The following TSHZ2 variants were observed in gnomAD, a reference collection of about 807,000 sequenced individuals.
TSHZ2 encodes teashirt homolog 2.
Under a neutral mutation model 74.4 loss-of-function variants are expected in TSHZ2, and 21 were observed. The observed-to-expected ratio is 0.28, with a 90% CI of 0.20 to 0.41. TSHZ2 has a LOEUF of 0.41. TSHZ2 is among the 10% of genes least tolerant of loss of function. TSHZ2 has a pLI of 1.00. For synonymous variants in TSHZ2, 540 were observed against 515.3 expected (o/e 1.05, Z -0.65); for missense variants, 1,244 against 1,293.5 (o/e 0.96, Z 0.59).
At chr20:53,380,240 G>T (rs1013102240) in intron 2 of TSHZ2, among the ~76,000 whole-genome samples, 5 of 151,632 alleles carry the variant, frequency 3.3e-5, no homozygotes, top group African/African-American at 9.7e-5. Context: ...CAAAAATATG[G>T]GACTCCTACC....
chr20:53,110,204 C>T (rs925356298), intron 1 of TSHZ2, among the ~76,000 whole-genome samples: 1 of 152,140 alleles, frequency 6.6e-6, no homozygotes, highest in African/African-American at 2.4e-5. Context: ...TGCCCCGCCC[C>T]TCTAGGCAGC....
In TSHZ2 at chr20:53,410,184, G is replaced by A. The variant is rs145497815; in HGVS notation, c.*9-76960G>A. The stretch of plus-strand genomic sequence containing the variant: ...TTTAATGTTCACTCTGAGAATCAGA[G>A]GGCGCATCCCAGGATGAAGGTGACT... On this transcript the variant is annotated intron_variant, in intron 2 of 2. Transcript: ENST00000371497. Among the ~76,000 whole-genome samples, 118 of 152,216 alleles carry A rather than the reference G, an allele frequency of 7.8e-4. 1 individual carries two copies. Among genetic ancestry groups the A allele is most frequent in the African/African-American group, 2.5e-3 (102 of 41,530 alleles).
chr20:53,078,793 G>A (rs866110397), intron 1 of TSHZ2, among the ~76,000 whole-genome samples: 11 of 152,244 alleles, frequency 7.2e-5, no homozygotes, highest in Admixed American at 1.3e-4. Flanking sequence ...AAATTTAGAG[G>A]TACGCTGGGA....
chr20:53,435,945 T>G (rs919106678), intron 2 of TSHZ2, among the ~76,000 whole-genome samples: 8 of 152,232 alleles, frequency 5.3e-5, no homozygotes, highest in Admixed American at 3.9e-4. Context: ...ATGGGCATGA[T>G]AATACCCCAA....
At chr20:53,107,109 C>G (rs1285473318) in intron 1 of TSHZ2, among the ~76,000 whole-genome samples, 2 of 152,122 alleles carry the variant, frequency 1.3e-5, no homozygotes, top group Admixed American at 1.3e-4. Flanking sequence ...CAGAACAGGC[C>G]CTAGAATATG....
At position 53,492,451 on chromosome 20, in the gene TSHZ2, T is replaced by C. The variant is rs534567810; in HGVS notation, c.*5316T>C. On this transcript the variant is annotated 3_prime_UTR_variant, in exon 3 of 3. Transcript: ENST00000371497. Reference sequence around the variant, plus strand: ...ACACCTCAGACACTAGAATGTGTAATGCGAGTCAAAAAAGCTGACATACAA... The same window carrying C: ...ACACCTCAGACACTAGAATGTGTAACGCGAGTCAAAAAAGCTGACATACAA... 9.2e-5 allele frequency: 14 copies of C among 152,338 alleles called. No homozygotes were observed. Among genetic ancestry groups the C allele is most frequent in the African/African-American group, 3.1e-4 (13 of 41,588 alleles). The allele number at this position is 152,338 out of a possible 1,614,324, so 9.4% of individuals were successfully genotyped here. A position where few individuals can be genotyped will look rare whatever the true frequency, so the allele number is the denominator to read the frequency against.
intron 2 of TSHZ2, among the ~76,000 whole-genome samples, chr20:53,485,604 G>A: frequency 6.6e-6 from 1 of 152,054 alleles, no homozygotes; most frequent in African/African-American, 2.4e-5. Flanking sequence ...AGCTACTCGG[G>A]AGGCTGAAGC....
chr20:53,231,034 T>TCGGTG, intron 1 of TSHZ2, among the ~76,000 whole-genome samples: 1 of 152,240 alleles, frequency 6.6e-6, no homozygotes, highest in African/African-American at 2.4e-5. Flanking sequence ...CTGGACTTTC[T>TCGGTG]GTCTGCTTTG....
chr20:53,479,150 G>A (rs1316699631), intron 2 of TSHZ2, among the ~76,000 whole-genome samples: 1 of 149,572 alleles, frequency 6.7e-6, no homozygotes, highest in Non-Finnish European at 1.5e-5. Flanking sequence ...GGGCAACAGG[G>A]CAAGACTCTG....
At chr20:53,248,736 T>A (rs947966611) in intron 1 of TSHZ2, among the ~76,000 whole-genome samples, 1 of 152,242 alleles carries the variant, frequency 6.6e-6, no homozygotes, top group African/African-American at 2.4e-5. Context: ...GCCTTTATAC[T>A]TAGGAGTGTA....
chr20:53,056,305 C>A (rs1253421808), intron 1 of TSHZ2, among the ~76,000 whole-genome samples: 7 of 152,142 alleles, frequency 4.6e-5, no homozygotes, highest in African/African-American at 1.7e-4. Context: ...TCTGGTTGTG[C>A]AAACTGGACC....
intron 1 of TSHZ2, among the ~76,000 whole-genome samples, chr20:53,209,307 G>A (rs772698718): frequency 5.9e-5 from 9 of 151,926 alleles, no homozygotes; most frequent in Admixed American, 2.0e-4. Context: ...AGGCTGTCTC[G>A]AACTCCTGAC....
At chr20:53,215,705 C>T (rs1288175798) in intron 1 of TSHZ2, among the ~76,000 whole-genome samples, 2 of 151,544 alleles carry the variant, frequency 1.3e-5, no homozygotes, top group African/African-American at 4.9e-5. Flanking sequence ...CCCATCTCTA[C>T]TAAAAATACA....
chr20:53,292,523 C>T (rs1991298997), intron 2 of TSHZ2, among the ~76,000 whole-genome samples: 2 of 151,144 alleles, frequency 1.3e-5, no homozygotes, highest in Middle Eastern at 3.4e-3. Flanking sequence ...TCATAGCTCA[C>T]TGCAGCCTTG....
At chr20:52,977,598 G>A (rs910347692) in intron 1 of TSHZ2, among the ~76,000 whole-genome samples, 5 of 152,026 alleles carry the variant, frequency 3.3e-5, no homozygotes, top group African/African-American at 1.2e-4. Flanking sequence ...ACAACATTTT[G>A]GACGGAAATT....
intron 1 of TSHZ2, among the ~76,000 whole-genome samples, chr20:53,116,544 A>C (rs1224777215): frequency 1.3e-5 from 2 of 152,140 alleles, no homozygotes; most frequent in Admixed American, 6.5e-5. Context: ...ACTGGTCTCA[A>C]GACATTTTGC....
At chr20:53,342,298 CTT>C (rs150260645) in intron 2 of TSHZ2, among the ~76,000 whole-genome samples, 44,697 of 114,286 alleles carry the variant, frequency 0.39, 7,930 homozygotes, top group African/African-American at 0.43. Flanking sequence ...TCTTCTCAGG[CTT>C]TTTTTTTTTT....
intron 1 of TSHZ2, among the ~76,000 whole-genome samples, chr20:53,002,898 T>G (rs1381244511): frequency 6.6e-6 from 1 of 152,208 alleles, no homozygotes; most frequent in Non-Finnish European, 1.5e-5. Context: ...GCCATCACCT[T>G]GCATTCCCAG....
chr20:53,449,274 T>C (rs1160570920), intron 2 of TSHZ2, among the ~76,000 whole-genome samples: 2 of 152,226 alleles, frequency 1.3e-5, no homozygotes, highest in Non-Finnish European at 2.9e-5. Flanking sequence ...CTCTTCTCCT[T>C]TCCAAAGTTT....
Sources: allele counts gnomAD v4.1 joint callset (sites outside exome capture counted in the v4.1 genomes callset), GRCh38; gene constraint gnomAD v4.1.1; transcripts MANE v1.5; gene names NCBI Gene and HGNC (gene_info 2026-07-23, HGNC 2026-07-21).